ATXN2: variants seen among roughly 807,000 people sequenced by gnomAD.
The protein encoded by ATXN2 is ataxin-2.
In ATXN2, 37 loss-of-function variants were observed where a neutral mutation model predicts 138.6. The ratio of observed to expected loss-of-function variants is 0.27; its 90% CI spans 0.21 to 0.35. The LOEUF (loss-of-function observed/expected upper bound fraction) is 0.35, where lower values mean the gene tolerates loss of function less well. ATXN2 is among the 10% of genes least tolerant of loss of function. ATXN2 has a pLI of 1.00. For synonymous variants in ATXN2, 549 were observed against 543.7 expected, an observed-to-expected ratio of 1.01 and a Z score of -0.13; for missense variants, 1,216 against 1,480.3, an observed-to-expected ratio of 0.82 and a Z score of 2.93.
chr12:111,495,980 C>CAAA (rs142965624), intron 14 of ATXN2, among the ~76,000 whole-genome samples: 108 of 133,766 alleles, frequency 8.1e-4, no homozygotes, highest in African/African-American at 2.8e-3. Context: ...CCCATCTCTA[C>CAAA]AAAAAAAAAA....
In ATXN2 at chr12:111,513,509, C is replaced by T. The variant is rs1879666598; in HGVS notation, c.1406G>A (p.Arg469Gln). 6.2e-7 allele frequency: 1 copy of T among 1,613,632 alleles called. No homozygotes were observed. The highest frequency in any genetic ancestry group is 2.2e-5 in the East Asian group (1 of 44,872). The change falls in exon 11 of 25, where the codon CGA becomes CAA. Residue 469 changes from arginine (R) to glutamine (Q), a missense_variant. By Grantham distance (43) the Arg-to-Gln change is conservative (BLOSUM62 1). This residue lies in a region of ATXN2 where 401 missense variants were observed against 528.1 expected (regional missense o/e 0.76). Coordinates refer to ENST00000673436, the MANE Select transcript of ATXN2 (RefSeq NM_001372574.1). The part of the protein sequence containing the change: ...GPPRMSPKAQ[R>Q]HPRNHRVSAG... Reference sequence around the variant, plus strand: ...AGAAACTCTGTGATTTCGAGGATGTCGCTGGGCCTTTGGGGACATCCTTGG... The same window carrying T: ...AGAAACTCTGTGATTTCGAGGATGTTGCTGGGCCTTTGGGGACATCCTTGG...
intron 2 of ATXN2, among the ~76,000 whole-genome samples, chr12:111,555,276 C>T (rs1304189719): frequency 6.6e-6 from 1 of 152,156 alleles, no homozygotes; most frequent in African/African-American, 2.4e-5. Context: ...TAGAAAAGAA[C>T]AAGCGACTTG....
chr12:111,568,689 C>T (rs1380863480), intron 1 of ATXN2, among the ~76,000 whole-genome samples: 1 of 152,130 alleles, frequency 6.6e-6, no homozygotes, highest in Non-Finnish European at 1.5e-5. Flanking sequence ...TCAAACTACC[C>T]CCTCTACAGC....
chr12:111,549,535 C>T (rs925563012), intron 5 of ATXN2, among the ~76,000 whole-genome samples: 1 of 149,800 alleles, frequency 6.7e-6, no homozygotes, highest in South Asian at 2.1e-4. Flanking sequence ...GACTCCATCT[C>T]GAAATAAAAA....
intron 18 of ATXN2, among the ~76,000 whole-genome samples, chr12:111,473,695 A>G (rs1210226517): frequency 1.3e-5 from 2 of 151,926 alleles, no homozygotes; most frequent in African/African-American, 2.4e-5. Context: ...CTCACTGACT[A>G]CTCCTATCAG....
chr12:111,583,096 G>C (rs1408638780), intron 1 of ATXN2, among the ~76,000 whole-genome samples: 6 of 147,296 alleles, frequency 4.1e-5, no homozygotes, highest in Non-Finnish European at 7.4e-5. Flanking sequence ...GGGTTCAAGC[G>C]ATTCCCCTGC....
At chr12:111,472,268 A>G (rs1177368808) in intron 18 of ATXN2, among the ~76,000 whole-genome samples, 1 of 152,162 alleles carries the variant, frequency 6.6e-6, no homozygotes, top group African/African-American at 2.4e-5. Context: ...CCCTGTCTCA[A>G]AAAAGGGGAG....
chr12:111,599,660 G>T, upstream of ATXN2: 2 of 1,080,772 alleles, frequency 1.9e-6, no homozygotes, highest in Non-Finnish European at 2.3e-6. Context: ...GGCGCGCTGG[G>T]TTGCTTTCTC....
rs1877796026 is a variant in ATXN2, at chr12:111,488,559, C to T, written c.2157G>A (p.Glu719=). The part of the protein sequence containing the change: ...LSNTEHKRGP[E]VTSQGVQTSS... Reference sequence around the variant, plus strand: ...AAGTCTGAACCCCTTGGGAAGTGACCTCAGGTCCCCTCTTGTGCTCCGTGT... The same window carrying T: ...AAGTCTGAACCCCTTGGGAAGTGACTTCAGGTCCCCTCTTGTGCTCCGTGT... Residue 719 remains glutamate, a synonymous_variant, in exon 15 of 25, where the codon GAG becomes GAA. Coordinates refer to ENST00000673436, the MANE Select transcript of ATXN2 (RefSeq NM_001372574.1). 1.2e-6 allele frequency: 2 copies of T among 1,614,014 alleles called. No individual in the cohort carries two copies. Among genetic ancestry groups the T allele is most frequent in the Admixed American group, 1.7e-5 (1 of 59,994 alleles).
intron 13 of ATXN2, 54 bp downstream of exon 13, chr12:111,509,837 G>T: frequency 7.5e-7 from 1 of 1,327,498 alleles, no homozygotes; most frequent in African/African-American, 1.5e-5. Context: ...CATGAAATTA[G>T]ACATACTTCT....
intron 5 of ATXN2, among the ~76,000 whole-genome samples, chr12:111,529,351 A>T (rs76604970): frequency 0.21 from 31,224 of 152,156 alleles, 3,313 homozygotes; most frequent in East Asian, 0.33. Flanking sequence ...CAACGTGACT[A>T]TTAGAAAAGT....
intron 10 of ATXN2, among the ~76,000 whole-genome samples, chr12:111,515,514 T>C (rs1380574923): frequency 6.6e-6 from 1 of 152,200 alleles, no homozygotes; most frequent in Non-Finnish European, 1.5e-5. Flanking sequence ...TAGCTAAATA[T>C]TCAAATTCAT....
chr12:111,573,607 T>C (rs563020204), intron 1 of ATXN2, among the ~76,000 whole-genome samples: 2 of 152,318 alleles, frequency 1.3e-5, no homozygotes, highest in East Asian at 3.9e-4. Context: ...CTCAGCTTTG[T>C]CACTTCCTAT....
At chr12:111,496,862 T>TAA (rs61542413) in intron 14 of ATXN2, among the ~76,000 whole-genome samples, 263 of 148,400 alleles carry the variant, frequency 1.8e-3, no homozygotes, top group African/African-American at 6.3e-3. Flanking sequence ...GTAGAAGAAA[T>TAA]AAAAAAAATC....
intron 18 of ATXN2, among the ~76,000 whole-genome samples, chr12:111,483,152 G>A (rs916524413): frequency 4.7e-5 from 7 of 150,032 alleles, no homozygotes; most frequent in East Asian, 3.9e-4. Flanking sequence ...GCGCCACTGC[G>A]TTCCAGCCTC....
chr12:111,596,247 A>ACAC (rs1884937147), intron 1 of ATXN2, among the ~76,000 whole-genome samples: 13 of 130,712 alleles, frequency 9.9e-5, no homozygotes, highest in Admixed American at 9.9e-4. Flanking sequence ...CACACACACA[A>ACAC]AATTAGATTA....
chr12:111,533,398 T>A (rs964349722), intron 5 of ATXN2, among the ~76,000 whole-genome samples: 4 of 152,180 alleles, frequency 2.6e-5, no homozygotes, highest in African/African-American at 9.7e-5. Flanking sequence ...AGGTTACCTA[T>A]AATACCTAAT....
chr12:111,466,731 T>C (rs927337953), intron 20 of ATXN2, among the ~76,000 whole-genome samples: 7 of 152,214 alleles, frequency 4.6e-5, no homozygotes, highest in Admixed American at 1.3e-4. Flanking sequence ...CCTTTGGCTA[T>C]GGCTATAACA....
rs530638151 is a variant in ATXN2 at position 111,598,890 on chromosome 12, C to T, written c.145G>A (p.Ala49Thr). 8.9e-4 allele frequency: 1,334 copies of T among 1,499,064 alleles called. 6 individuals carry two copies. In the African/African-American group the frequency reaches 0.015, roughly 17 times the overall value. 92.9% of individuals were successfully genotyped at this position (1,499,064 alleles called of 1,614,324 possible). A position where few individuals can be genotyped will look rare whatever the true frequency, so the allele number is the denominator to read the frequency against. The change falls in exon 1 of 25, where the codon GCC becomes ACC. Residue 49 changes from alanine to threonine, a missense_variant. Coordinates refer to ENST00000673436, the MANE Select transcript of ATXN2 (RefSeq NM_001372574.1). The surrounding 1 kb of genome is among the most constrained non-coding windows in gnomAD (Gnocchi z 4.5). ...GACGAGGACGGCGAAGGCGCGGCGG[C>T]GGGCGACGCTAGAAGGCCGCTGCCG... ...PGGSGLLASP[A>T]AAPSPSSSSV...
Sources: gnomAD v4.1 joint callset for allele counts (sites outside exome capture counted in the v4.1 genomes callset) on GRCh38, gnomAD v4.1.1 for gene constraint, gnomAD v4.1.1 regional missense constraint, Gnocchi (gnomAD v3.1) non-coding constraint, MANE v1.5 for transcripts, NCBI Gene and HGNC (gene_info 2026-07-23, HGNC 2026-07-21) for gene names.